PIAS1: variants seen among roughly 807,000 people sequenced by gnomAD.
The protein encoded by PIAS1 is E3 SUMO-protein ligase PIAS1.
In PIAS1, 6 loss-of-function variants were observed where a neutral mutation model predicts 71.3. The ratio of observed to expected loss-of-function variants is 0.08; its 90% CI spans 0.05 to 0.17. PIAS1 has a LOEUF of 0.17. Among genes scored for constraint, PIAS1 ranks in the 10% least tolerant of loss-of-function variants. The probability of loss-of-function intolerance (pLI) is 1.00; values close to 1 mark genes in which losing one functional copy is unlikely to be tolerated. For synonymous variants in PIAS1, 303 were observed against 292.9 expected (o/e 1.03, Z -0.35); for missense variants, 555 against 793.6 (o/e 0.70, Z 3.61).
At chr15:68,095,711 C>T (rs1274031135) in intron 2 of PIAS1, among the ~76,000 whole-genome samples, 2 of 151,536 alleles carry the variant, frequency 1.3e-5, no homozygotes, top group East Asian at 1.9e-4. Flanking sequence ...TTTGTATTTT[C>T]GTAGAGACAG....
At chr15:68,156,663 C>T (rs2092891372) in intron 7 of PIAS1, among the ~76,000 whole-genome samples, 1 of 147,612 alleles carries the variant, frequency 6.8e-6, no homozygotes, top group Non-Finnish European at 1.5e-5. Context: ...GAGCTGAGAT[C>T]GCACCACTGC....
chr15:68,179,629 G>A (rs2093042057), intron 11 of PIAS1, among the ~76,000 whole-genome samples: 1 of 126,182 alleles, frequency 7.9e-6, no homozygotes. Flanking sequence ...AGGCTGGAGT[G>A]CAGTGGCACC....
intron 2 of PIAS1, among the ~76,000 whole-genome samples, chr15:68,099,804 T>G (rs1302741484): frequency 6.6e-6 from 1 of 152,072 alleles, no homozygotes; most frequent in African/African-American, 2.4e-5. Flanking sequence ...TTGTCACTTT[T>G]TTTATTTTTA....
At chr15:68,129,302 A>G (rs983186625) in intron 2 of PIAS1, among the ~76,000 whole-genome samples, 6 of 152,124 alleles carry the variant, frequency 3.9e-5, no homozygotes, top group Admixed American at 2.0e-4. Context: ...TCCTGGCCTC[A>G]AGTGATCCTT....
intron 1 of PIAS1, among the ~76,000 whole-genome samples, chr15:68,080,832 C>T (rs558059568): frequency 6.2e-4 from 94 of 152,236 alleles, no homozygotes; most frequent in Middle Eastern, 6.8e-3. Context: ...GTTTACAATT[C>T]GTTATAAATT....
At chr15:68,136,892 C>T (rs1321394700) in intron 2 of PIAS1, among the ~76,000 whole-genome samples, 1 of 152,092 alleles carries the variant, frequency 6.6e-6, no homozygotes, top group Non-Finnish European at 1.5e-5. Context: ...TATGCAAATA[C>T]ATAAATAGGC....
At chr15:68,094,693 C>CA (rs2092359527) in intron 2 of PIAS1, among the ~76,000 whole-genome samples, 2 of 152,132 alleles carry the variant, frequency 1.3e-5, no homozygotes, top group South Asian at 4.1e-4. Context: ...AAAGGGCATT[C>CA]AAAGGTTTTA....
intron 2 of PIAS1, among the ~76,000 whole-genome samples, chr15:68,099,071 C>A (rs555781346): frequency 6.6e-6 from 1 of 151,900 alleles, no homozygotes; most frequent in African/African-American, 2.4e-5. Context: ...AAATTAACAG[C>A]GAAAATTTAT....
At chr15:68,084,403 G>A (rs2092259423) in intron 1 of PIAS1, among the ~76,000 whole-genome samples, 1 of 152,090 alleles carries the variant, frequency 6.6e-6, no homozygotes, top group Non-Finnish European at 1.5e-5. Flanking sequence ...AATAATAAAA[G>A]TCTTTAGAAG....
intron 2 of PIAS1, among the ~76,000 whole-genome samples, chr15:68,120,242 CTT>C (rs373966418): frequency 1.4e-5 from 2 of 145,880 alleles, no homozygotes; most frequent in African/African-American, 2.5e-5. Context: ...TTATAGTTGT[CTT>C]TTTTTTTTTA....
intron 8 of PIAS1, among the ~76,000 whole-genome samples, chr15:68,172,271 C>G (rs1477205530): frequency 6.6e-6 from 1 of 152,152 alleles, no homozygotes; most frequent in African/African-American, 2.4e-5. Flanking sequence ...GCATAGTATT[C>G]CATGGTATAT....
chr15:68,149,423 C>A (rs1429628498), intron 6 of PIAS1, among the ~76,000 whole-genome samples: 1 of 149,244 alleles, frequency 6.7e-6, no homozygotes, highest in Admixed American at 6.7e-5. Flanking sequence ...ATTTGCACAT[C>A]TTTCTGAGAA....
At chr15:68,077,994 A>G (rs1474908689) in intron 1 of PIAS1, among the ~76,000 whole-genome samples, 1 of 152,158 alleles carries the variant, frequency 6.6e-6, no homozygotes. Flanking sequence ...GCTTTCTCTC[A>G]GATAGGGTAT....
At chr15:68,103,887 C>A (rs1329468710) in intron 2 of PIAS1, among the ~76,000 whole-genome samples, 1 of 152,164 alleles carries the variant, frequency 6.6e-6, no homozygotes, top group Non-Finnish European at 1.5e-5. Flanking sequence ...CACTTTTTGG[C>A]TAATATGAAT....
chr15:68,109,807 A>G (rs949470622), intron 2 of PIAS1, among the ~76,000 whole-genome samples: 1 of 152,202 alleles, frequency 6.6e-6, no homozygotes, highest in African/African-American at 2.4e-5. Flanking sequence ...ATACAAACAA[A>G]AATGTCTATT....
At position 68,139,444 on chromosome 15, in the gene PIAS1, T is replaced by G. The variant is rs1020691373; in HGVS notation, c.470-2502T>G. Among the ~76,000 whole-genome samples, 6 of 152,368 alleles carry G rather than the reference T, an allele frequency of 3.9e-5. No homozygotes were observed. In the South Asian group the frequency reaches 6.2e-4, roughly 16 times the overall value. ...CATAAGTACCTCTTAGCAAAGTACTTGTACATACTATATATGTAGCTTATA... is the reference window on the plus strand; with the variant it reads ...CATAAGTACCTCTTAGCAAAGTACTGGTACATACTATATATGTAGCTTATA... On this transcript the variant is annotated intron_variant, in intron 2 of 13. Coordinates refer to ENST00000249636, the MANE Select transcript of PIAS1 (RefSeq NM_016166.3).
Position 68,173,875 on chromosome 15 carries a change from A to G in PIAS1, c.1152A>G (p.Glu384=), listed in dbSNP as rs1595789349. The change falls in exon 9 of 14, where the codon GAA becomes GAG. Residue 384 remains glutamate, a synonymous_variant. Transcript: ENST00000249636. This position sits in a 1 kb window ranked among gnomAD's most constrained non-coding sequence, Gnocchi z 4.3. ...CPVCDKKAPY[E]HLIIDGLFME... is the part of the protein sequence containing the mutation. The stretch of plus-strand genomic sequence containing the variant: ...TCTGTGATAAGAAGGCTCCATATGA[A>G]CACCTTATTATTGATGGGTATGTTA... The G allele has an allele frequency of 1.3e-6, 2 of 1,567,062 alleles. No homozygotes were observed. The highest frequency in any genetic ancestry group is 1.7e-6 in the Non-Finnish European group (2 of 1,148,950).
intron 8 of PIAS1, among the ~76,000 whole-genome samples, chr15:68,168,007 T>G (rs1057103829): frequency 1.3e-5 from 2 of 150,654 alleles, no homozygotes; most frequent in African/African-American, 4.9e-5. Flanking sequence ...ACTCCCAGCC[T>G]TTTTAAAATT....
At chr15:68,151,955 T>TTTTTC (rs2092849634) in intron 6 of PIAS1, among the ~76,000 whole-genome samples, 1 of 100,270 alleles carries the variant, frequency 1.0e-5, no homozygotes, top group East Asian at 3.3e-4. Context: ...TTTTTTTTTT[T>TTTTTC]TTTTTGGGGG....
Sources: gnomAD v4.1 joint callset for allele counts (sites outside exome capture counted in the v4.1 genomes callset) on GRCh38, gnomAD v4.1.1 for gene constraint, Gnocchi (gnomAD v3.1) non-coding constraint, MANE v1.5 for transcripts, NCBI Gene and HGNC (gene_info 2026-07-23, HGNC 2026-07-21) for gene names.